SIPA1L3: variants seen among roughly 807,000 people sequenced by gnomAD.
SIPA1L3 encodes signal induced proliferation associated 1 like 3, also known as signal-induced proliferation-associated 1-like protein 3.
SIPA1L3 carries 59 observed loss-of-function variants against 150.1 expected under a neutral mutation model. That is an observed-to-expected ratio of 0.39 (90% CI 0.32 to 0.49). The LOEUF (loss-of-function observed/expected upper bound fraction) is 0.49. SIPA1L3 is among the 20% of genes least tolerant of loss of function. SIPA1L3 has a pLI of 0.86. For missense variants in SIPA1L3, 2,211 were observed against 2,489.5 expected (o/e 0.89, Z 2.38); for synonymous variants, 1,070 against 1,077.6 (o/e 0.99, Z 0.14).
intron 1 of SIPA1L3, among the ~76,000 whole-genome samples, chr19:38,002,894 C>G (rs1490043895): frequency 6.6e-6 from 1 of 151,984 alleles, no homozygotes; most frequent in East Asian, 1.9e-4. Flanking sequence ...CCTGTAATCC[C>G]AGCACTTTGG....
At chr19:37,953,628 G>C (rs1165777869) in intron 1 of SIPA1L3, among the ~76,000 whole-genome samples, 1 of 152,196 alleles carries the variant, frequency 6.6e-6, no homozygotes, top group Non-Finnish European at 1.5e-5. Flanking sequence ...GAAATCTTTT[G>C]AATTGACCTA....
chr19:38,081,619 T>C lies in SIPA1L3; in HGVS notation c.54T>C (p.Cys18=). The part of the protein sequence containing the change: ...PSDGVDLAAS[C]GARVGDVLPG... The stretch of plus-strand genomic sequence containing the variant: ...ATGGTGTGGACCTGGCAGCCAGCTG[T>C]GGCGCCAGGGTGGGCGATGTCCTCC... The change falls in exon 3 of 22, where the codon TGT becomes TGC. Residue 18 remains cysteine (C), a synonymous_variant. Coordinates refer to ENST00000222345, the MANE Select transcript of SIPA1L3 (RefSeq NM_015073.3). 6.2e-7 allele frequency: 1 copy of C among 1,604,112 alleles called. No individual in the cohort carries two copies. The highest frequency in any genetic ancestry group is 8.5e-7 in the Non-Finnish European group (1 of 1,173,316).
At chr19:38,124,737 C>T (rs1226561641) in intron 9 of SIPA1L3, among the ~76,000 whole-genome samples, 1 of 152,216 alleles carries the variant, frequency 6.6e-6, no homozygotes, top group African/African-American at 2.4e-5. Flanking sequence ...AACCAGACTC[C>T]GTCTGCAATC....
intron 1 of SIPA1L3, among the ~76,000 whole-genome samples, chr19:38,005,671 T>G (rs1222515786): frequency 6.6e-6 from 1 of 152,176 alleles, no homozygotes; most frequent in African/African-American, 2.4e-5. Flanking sequence ...GTTAAAGGTA[T>G]GACCCTTTCC....
At chr19:38,154,244 C>T (rs1398583206) in intron 13 of SIPA1L3, among the ~76,000 whole-genome samples, 2 of 152,130 alleles carry the variant, frequency 1.3e-5, no homozygotes, top group Non-Finnish European at 2.9e-5. Flanking sequence ...TGGTATCCCC[C>T]GTTGTATGAA....
At chr19:38,095,752 T>C (rs1334647481) in intron 4 of SIPA1L3, among the ~76,000 whole-genome samples, 2 of 152,140 alleles carry the variant, frequency 1.3e-5, no homozygotes, top group Non-Finnish European at 2.9e-5. Context: ...GTGTCCCACT[T>C]ACTGTCGCCA....
chr19:38,081,762 GC>G lies in SIPA1L3; in HGVS notation c.201del (p.Ser68AlafsTer26). ...TATATATATT[R>X]PSPTTPAMPK... ...ACCGCCACCGCCACCGCCACCACCC[GC>G]CCCAGCCCCACCACTCCCGCAATGC... is the stretch of plus-strand genomic sequence containing the variant. On this transcript the variant is annotated frameshift_variant, in exon 3 of 22. Transcript: ENST00000222345. LOFTEE classifies it high-confidence loss of function. 7.7e-7 allele frequency: 1 copy of G among 1,302,452 alleles called. No homozygotes were observed. The highest frequency in any genetic ancestry group is 1.1e-6 in the Non-Finnish European group (1 of 946,298). 80.7% of individuals were successfully genotyped at this position (1,302,452 alleles called of 1,614,324 possible).
At position 38,164,918 on chromosome 19, in the gene SIPA1L3, C is replaced by G. The variant is rs762447138; in HGVS notation, c.4208+12C>G. ...CCGAGGCAGCCCAGGTAAGCTGTTGCACCTAGTCTGGGTTCTAACCACCTT... is the reference window on the plus strand; with the variant it reads ...CCGAGGCAGCCCAGGTAAGCTGTTGGACCTAGTCTGGGTTCTAACCACCTT... On this transcript the variant is annotated intron_variant, in intron 15 of 21. Transcript: ENST00000222345. This position sits in a 1 kb window ranked among gnomAD's most constrained non-coding sequence, Gnocchi z 4.1. The G allele has an allele frequency of 1.3e-6, 2 of 1,521,074 alleles. No individual in the cohort carries two copies. Among genetic ancestry groups the G allele is most frequent in the East Asian group, 2.3e-5 (1 of 43,880 alleles). 94.2% of individuals were successfully genotyped at this position (1,521,074 alleles called of 1,614,324 possible). A position where few individuals can be genotyped will look rare whatever the true frequency, so the allele number is the denominator to read the frequency against.
rs914525939 is a variant in SIPA1L3, at chr19:38,119,708, G to A, written c.2694G>A (p.Val898=). The change falls in exon 9 of 22, where the codon GTG becomes GTA. Residue 898 remains valine (V), a synonymous_variant. Transcript: ENST00000222345. ...CILGISNEFV[V]LLDLRTKEVV... is the part of the protein sequence containing the mutation. ...TGGGAATTTCCAATGAGTTTGTGGTGCTCCTGGACTTACGCACCAAGGAGG... is the reference window on the plus strand; with the variant it reads ...TGGGAATTTCCAATGAGTTTGTGGTACTCCTGGACTTACGCACCAAGGAGG... 14 of 1,614,064 alleles carry A rather than the reference G, an allele frequency of 8.7e-6. No homozygotes were observed. The highest frequency in any genetic ancestry group is 6.7e-5 in the African/African-American group (5 of 74,936).
chr19:37,970,635 C>T (rs1459649985), intron 1 of SIPA1L3, among the ~76,000 whole-genome samples: 4 of 152,184 alleles, frequency 2.6e-5, no homozygotes, highest in African/African-American at 4.8e-5. Flanking sequence ...ACTGCAAAGG[C>T]GGTTGAACCC....
Position 37,998,454 on chromosome 19 carries a change from A to G in SIPA1L3, c.-378-30635A>G, listed in dbSNP as rs10408169. Among the ~76,000 whole-genome samples, 1,480 of 152,306 alleles carry G rather than the reference A, an allele frequency of 9.7e-3. 22 individuals carry two copies. Among genetic ancestry groups the G allele is most frequent in the African/African-American group, 0.033 (1,370 of 41,558 alleles). ...TTCAGAGCTGCAAACCGAAACGCAT[A>G]AAGTTGAAATGACATGATATCCGGC... On this transcript the variant is annotated intron_variant, in intron 1 of 21. Coordinates refer to ENST00000222345, the MANE Select transcript of SIPA1L3 (RefSeq NM_015073.3).
chr19:37,973,865 T>C (rs1040094818), intron 1 of SIPA1L3, among the ~76,000 whole-genome samples: 1 of 152,114 alleles, frequency 6.6e-6, no homozygotes. Flanking sequence ...TGGATGGTGA[T>C]GCTATATTGG....
Position 38,033,580 on chromosome 19 carries a change from C to T in SIPA1L3, c.-311+4424C>T, listed in dbSNP as rs148926317. Among the ~76,000 whole-genome samples the T allele has an allele frequency of 6.6e-3, 1,004 of 152,216 alleles. 8 individuals are homozygous for T. Among genetic ancestry groups the T allele is most frequent in the Non-Finnish European group, 0.012 (797 of 68,006 alleles). On this transcript the variant is annotated intron_variant, in intron 2 of 21. Coordinates refer to ENST00000222345, the MANE Select transcript of SIPA1L3 (RefSeq NM_015073.3). ...GCATGCACCTGTAGTCCCAGGAACT[C>T]GGACGGCTATGGCAGGAGGATCACT...
intron 7 of SIPA1L3, 70 bp downstream of exon 7, chr19:38,106,710 G>T: frequency 9.8e-7 from 1 of 1,024,140 alleles, no homozygotes; most frequent in East Asian, 2.4e-5. Flanking sequence ...GGCCCTCCCA[G>T]TTCTGTCCTG....
intron 2 of SIPA1L3, among the ~76,000 whole-genome samples, chr19:38,070,216 CTA>C (rs1182428740): frequency 9.3e-5 from 14 of 150,540 alleles, no homozygotes; most frequent in African/African-American, 3.2e-4. Context: ...ATCTATCTAT[CTA>C]TCTATTTTTG....
chr19:38,120,345 G>T (rs1970988452), intron 9 of SIPA1L3, among the ~76,000 whole-genome samples: 1 of 151,902 alleles, frequency 6.6e-6, no homozygotes, highest in Admixed American at 6.6e-5. Context: ...GGTGGTACAT[G>T]CCTGTGGTCC....
chr19:38,204,377 A>G (rs1973160010), intron 21 of SIPA1L3, among the ~76,000 whole-genome samples, 169 bp downstream of exon 21: 1 of 152,194 alleles, frequency 6.6e-6, no homozygotes, highest in South Asian at 2.1e-4. Flanking sequence ...ACCCCAGGCT[A>G]CCAAGCGCTC....
chr19:37,915,734 T>C (rs759745532), intron 1 of SIPA1L3, among the ~76,000 whole-genome samples: 1 of 152,212 alleles, frequency 6.6e-6, no homozygotes, highest in African/African-American at 2.4e-5. Flanking sequence ...TATCATACTA[T>C]AGCCCATCAA....
At chr19:38,138,630 C>T (rs977215860) in intron 10 of SIPA1L3, among the ~76,000 whole-genome samples, 6 of 22,344 alleles carry the variant, frequency 2.7e-4, no homozygotes, top group African/African-American at 8.4e-4. Flanking sequence ...GGACGTGGTG[C>T]CTCATGCCTG....
Sources: gnomAD v4.1 joint callset for allele counts (sites outside exome capture counted in the v4.1 genomes callset) on GRCh38, gnomAD v4.1.1 for gene constraint, Gnocchi (gnomAD v3.1) non-coding constraint, MANE v1.5 for transcripts, NCBI Gene and HGNC (gene_info 2026-07-23, HGNC 2026-07-21) for gene names.